Variants in NYAP2 observed in about 807,000 individuals in gnomAD.
The protein encoded by NYAP2 is neuronal tyrosine-phosphorylated phosphoinositide-3-kinase adaptor 2.
A neutral mutation model predicts 50.4 loss-of-function variants in NYAP2; 23 were observed. The observed-to-expected ratio is 0.46, with a 90% CI of 0.33 to 0.65. The LOEUF (loss-of-function observed/expected upper bound fraction) is 0.65. Ranked by LOEUF, NYAP2 falls within the 30% of genes least tolerant of loss-of-function variation. The pLI is 0.02. For missense variants in NYAP2, 885 were observed against 861.0 expected, an observed-to-expected ratio of 1.03 and a Z score of -0.35; for synonymous variants, 394 against 365.2, an observed-to-expected ratio of 1.08 and a Z score of -0.90.
chr2:225,466,953 G>A (rs1192221085), intron 3 of NYAP2, among the ~76,000 whole-genome samples: 2 of 152,196 alleles, frequency 1.3e-5, no homozygotes, highest in African/African-American at 4.8e-5. Context: ...ACAAAAGGAA[G>A]GAAAGTACAC....
chr2:225,461,542 A>T (rs1689832185), intron 3 of NYAP2, among the ~76,000 whole-genome samples: 1 of 151,694 alleles, frequency 6.6e-6, no homozygotes, highest in Admixed American at 6.6e-5. Context: ...ACGGAGGTAG[A>T]CCTCCTTGTA....
chr2:225,438,321 G>GATA (rs1689414877), intron 3 of NYAP2, among the ~76,000 whole-genome samples: 2 of 152,338 alleles, frequency 1.3e-5, no homozygotes, highest in Admixed American at 1.3e-4. Flanking sequence ...TATTGCAGTG[G>GATA]TGTAAAGAGA....
intron 3 of NYAP2, among the ~76,000 whole-genome samples, chr2:225,414,877 C>T (rs150126283): frequency 2.3e-4 from 35 of 152,248 alleles, no homozygotes; most frequent in African/African-American, 7.9e-4. Flanking sequence ...ATTTTAAAAA[C>T]GATATACGAA....
intron 3 of NYAP2, among the ~76,000 whole-genome samples, chr2:225,440,813 G>A (rs1689457645): frequency 6.6e-6 from 1 of 152,166 alleles, no homozygotes. Flanking sequence ...TGGTGGGTAG[G>A]AATAAGTTTG....
At chr2:225,685,805 T>G in the NYAP2 span, among the ~76,000 whole-genome samples, 1 of 152,184 alleles carries the variant, frequency 6.6e-6, no homozygotes, top group Non-Finnish European at 1.5e-5. Flanking sequence ...AATTTTCTTC[T>G]GAAAAGCCTC....
chr2:225,620,468 C>T (rs1693078525), intron 5 of NYAP2, among the ~76,000 whole-genome samples: 1 of 147,418 alleles, frequency 6.8e-6, no homozygotes, highest in Admixed American at 6.7e-5. Flanking sequence ...CACGCGCATG[C>T]ACACGCACAC....
exon 3 of NYAP2, chr2:225,408,974 G>A: frequency 3.7e-6 from 6 of 1,612,248 alleles, no homozygotes; most frequent in South Asian, 1.1e-5. Flanking sequence ...GAAGGCCTAT[G>A]ATGGCTTGGT....
At chr2:225,491,791 CA>C (rs1199658849) in intron 3 of NYAP2, among the ~76,000 whole-genome samples, 49 of 152,274 alleles carry the variant, frequency 3.2e-4, no homozygotes, top group African/African-American at 1.2e-3. Context: ...GCCCTGTCTA[CA>C]AAAGTCATCA....
At chr2:225,693,508 A>G in the NYAP2 span, among the ~76,000 whole-genome samples, 41 of 152,188 alleles carry the variant, frequency 2.7e-4, no homozygotes, top group East Asian at 6.8e-3. Flanking sequence ...CCAGAACAGA[A>G]TACTATACAC....
chr2:225,502,764 CTTG>C (rs966845072), intron 3 of NYAP2, among the ~76,000 whole-genome samples: 2 of 152,150 alleles, frequency 1.3e-5, no homozygotes, highest in African/African-American at 4.8e-5. Context: ...GGCCCCAGGA[CTTG>C]TTGTTCCATT....
chr2:225,542,499 A>G (rs145766846), intron 4 of NYAP2, among the ~76,000 whole-genome samples: 198 of 152,244 alleles, frequency 1.3e-3, no homozygotes, highest in African/African-American at 4.6e-3. Context: ...AATTTTATCA[A>G]ATGCTTTTTC....
At chr2:225,454,606 T>C (rs747551093) in intron 3 of NYAP2, among the ~76,000 whole-genome samples, 8 of 151,892 alleles carry the variant, frequency 5.3e-5, no homozygotes, top group Middle Eastern at 3.4e-3. Flanking sequence ...GGCAAGAGAG[T>C]ATTACTACTT....
chr2:225,625,424 C>T (rs1038580575), intron 5 of NYAP2, among the ~76,000 whole-genome samples: 20 of 152,028 alleles, frequency 1.3e-4, no homozygotes, highest in Non-Finnish European at 2.4e-4. Context: ...CAAGGCCTTT[C>T]GGGAAGAGCA....
the NYAP2 span, among the ~76,000 whole-genome samples, chr2:225,662,679 C>T: frequency 1.3e-5 from 2 of 152,206 alleles, no homozygotes; most frequent in South Asian, 2.1e-4. Flanking sequence ...TGACTTCTTT[C>T]CCAGAAAATG....
intron 5 of NYAP2, among the ~76,000 whole-genome samples, chr2:225,626,704 A>C (rs1693215483): frequency 6.6e-6 from 1 of 152,168 alleles, no homozygotes; most frequent in African/African-American, 2.4e-5. Flanking sequence ...TTCCAAAAAG[A>C]AAATTGTATT....
chr2:225,582,669 T>C lies in NYAP2; in HGVS notation c.1252T>C (p.Ser418Pro), dbSNP rs2106229993. The C allele has an allele frequency of 6.4e-7, 1 of 1,570,350 alleles. No individual in the cohort carries two copies. The highest frequency in any genetic ancestry group is 1.7e-4 in the Middle Eastern group (1 of 5,872). The change falls in exon 5 of 7, where the codon TCT (serine) becomes CCT (proline). Residue 418 changes from serine (S) to proline (P), a missense_variant. By Grantham distance (74) the Ser-to-Pro change is moderately conservative (BLOSUM62 -1). Coordinates refer to ENST00000636099, the Ensembl canonical transcript of NYAP2. This position sits in a 1 kb window ranked among gnomAD's most constrained non-coding sequence, Gnocchi z 7.0. ...GCTCTCCTCGTCGCCCCCACCCCCG[T>C]CTACGCTGTACCGAACCCAGTCTCC... is the stretch of plus-strand genomic sequence containing the variant.
At chr2:225,439,103 G>T (rs1689430181) in intron 3 of NYAP2, among the ~76,000 whole-genome samples, 1 of 152,186 alleles carries the variant, frequency 6.6e-6, no homozygotes, top group African/African-American at 2.4e-5. Flanking sequence ...GGACTGTGGA[G>T]GATCCACCAG....
intron 4 of NYAP2, among the ~76,000 whole-genome samples, chr2:225,518,535 T>TAC: frequency 1.8e-5 from 1 of 54,086 alleles, no homozygotes. Flanking sequence ...TATATATATA[T>TAC]ATATATATAT....
chr2:225,423,870 C>A (rs1286580727), intron 3 of NYAP2, among the ~76,000 whole-genome samples: 2 of 152,036 alleles, frequency 1.3e-5, no homozygotes, highest in African/African-American at 2.4e-5. Flanking sequence ...CTTGAGCAGT[C>A]AATTTAGTTA....
Sources: gnomAD v4.1 joint callset for allele counts (sites outside exome capture counted in the v4.1 genomes callset) on GRCh38, gnomAD v4.1.1 for gene constraint, Gnocchi (gnomAD v3.1) non-coding constraint, MANE v1.5 for transcripts, NCBI Gene and HGNC (gene_info 2026-07-23, HGNC 2026-07-21) for gene names.